Variants in PRMT8 observed in about 807,000 individuals in gnomAD.
PRMT8 encodes the protein protein arginine methyltransferase 8, also known as protein arginine N-methyltransferase 8.
Under a neutral mutation model 47.1 loss-of-function variants are expected in PRMT8, and 7 were observed. The observed-to-expected ratio is 0.15, with a 90% CI of 0.08 to 0.28. PRMT8 has a LOEUF of 0.28. PRMT8 is among the 10% of genes least tolerant of loss of function. The pLI is 1.00. For missense variants in PRMT8, 237 were observed against 505.4 expected (o/e 0.47, Z 5.09); for synonymous variants, 188 against 186.5 (o/e 1.01, Z -0.07).
intron 1 of PRMT8, among the ~76,000 whole-genome samples, chr12:3,473,821 G>T (rs1487048626): frequency 6.6e-6 from 1 of 152,144 alleles, no homozygotes; most frequent in African/African-American, 2.4e-5. Context: ...GTTTAGCTGG[G>T]CGTATTCCCT....
chr12:3,437,545 G>T (rs1384066132), intron 1 of PRMT8, among the ~76,000 whole-genome samples: 4 of 151,480 alleles, frequency 2.6e-5, no homozygotes, highest in African/African-American at 9.7e-5. Context: ...GTAGGCCTCA[G>T]TGTCTGTTCC....
At chr12:3,555,631 G>A (rs902720193) in intron 4 of PRMT8, among the ~76,000 whole-genome samples, 2 of 152,200 alleles carry the variant, frequency 1.3e-5, no homozygotes, top group Non-Finnish European at 2.9e-5. Context: ...AGGATGGGTT[G>A]GAATAAGTCG....
chr12:3,498,895 G>A (rs1245345613), intron 1 of PRMT8, among the ~76,000 whole-genome samples: 1 of 152,192 alleles, frequency 6.6e-6, no homozygotes, highest in Non-Finnish European at 1.5e-5. Flanking sequence ...AAATCCAGAT[G>A]CCAGCAGGGT....
intron 1 of PRMT8, among the ~76,000 whole-genome samples, chr12:3,528,259 C>T (rs1186129414): frequency 6.6e-6 from 1 of 152,076 alleles, no homozygotes; most frequent in Admixed American, 6.5e-5. Context: ...TTTGTGTCTC[C>T]TCTTCCTTCA....
intron 1 of PRMT8, among the ~76,000 whole-genome samples, chr12:3,459,646 C>T (rs1037556101): frequency 4.6e-5 from 7 of 152,206 alleles, no homozygotes; most frequent in South Asian, 2.1e-4. Flanking sequence ...ACATCTAAAG[C>T]GGAACAGAGG....
Position 3,580,253 on chromosome 12 carries a change from G to A in PRMT8, c.829-2805G>A, listed in dbSNP as rs1487074946. On this transcript the variant is annotated intron_variant, in intron 7 of 9. Transcript: ENST00000382622. This position sits in a 1 kb window ranked among gnomAD's most constrained non-coding sequence, Gnocchi z 4.6. ...CTATTGAAAGCTGTCAGCTACAAGA[G>A]TTGATAGCTGACATTTTGTTGATGG... Among the ~76,000 whole-genome samples, 2 of 152,108 alleles carry A rather than the reference G, an allele frequency of 1.3e-5. No homozygotes were observed. The highest frequency in any genetic ancestry group is 2.4e-5 in the African/African-American group (1 of 41,412).
At chr12:3,427,856 T>C (rs1864623172) in intron 1 of PRMT8, among the ~76,000 whole-genome samples, 1 of 152,192 alleles carries the variant, frequency 6.6e-6, no homozygotes, top group Non-Finnish European at 1.5e-5. Flanking sequence ...TCGAAGATAA[T>C]CATTCTTTTC....
chr12:3,522,814 A>C (rs1381517341), intron 1 of PRMT8, among the ~76,000 whole-genome samples: 1 of 151,972 alleles, frequency 6.6e-6, no homozygotes, highest in Non-Finnish European at 1.5e-5. Context: ...ACAAAAAAAA[A>C]CAGAAAAAAA....
intron 9 of PRMT8, 87 bp downstream of exon 9, chr12:3,592,439 G>A (rs1591620391): frequency 6.9e-6 from 10 of 1,447,794 alleles, no homozygotes; most frequent in South Asian, 2.7e-5. Context: ...GTTCTTAAGT[G>A]TCTCATGAAC....
chr12:3,427,928 C>T (rs1482156119), intron 1 of PRMT8, among the ~76,000 whole-genome samples: 1 of 152,014 alleles, frequency 6.6e-6, no homozygotes, highest in Admixed American at 6.6e-5. Flanking sequence ...TTAGAAGTTA[C>T]TATAATACAT....
chr12:3,494,479 C>A (rs368647129), intron 1 of PRMT8, among the ~76,000 whole-genome samples: 2 of 152,182 alleles, frequency 1.3e-5, no homozygotes, highest in African/African-American at 4.8e-5. Context: ...ACTGCCCCCA[C>A]TTCTGATTCA....
chr12:3,437,624 A>ACATATATATATC (rs1864758475), intron 1 of PRMT8, among the ~76,000 whole-genome samples: 1 of 9,756 alleles, frequency 1.0e-4, no homozygotes, highest in Admixed American at 2.0e-3. Context: ...CATTCAGGCT[A>ACATATATATATC]TATATATATA....
rs111255155 is a variant in PRMT8 at position 3,535,367 on chromosome 12, G to A, written c.76-5239G>A. On this transcript the variant is annotated intron_variant, in intron 1 of 9. Coordinates refer to ENST00000382622, the MANE Select transcript of PRMT8 (RefSeq NM_019854.5). The surrounding 1 kb of genome is among the most constrained non-coding windows in gnomAD (Gnocchi z 4.7). ...CCCTGGGTAAGGCCAGTCTGGGGGC[G>A]GAACACTGTGTTGGGGGAGTCCTGA... Among the ~76,000 whole-genome samples, 180 of 152,274 alleles carry A rather than the reference G, an allele frequency of 1.2e-3. 1 individual carries two copies. Among genetic ancestry groups the A allele is most frequent in the African/African-American group, 4.0e-3 (168 of 41,544 alleles).
At chr12:3,450,922 G>A (rs1407319830) in intron 1 of PRMT8, among the ~76,000 whole-genome samples, 1 of 151,048 alleles carries the variant, frequency 6.6e-6, no homozygotes, top group African/African-American at 2.4e-5. Flanking sequence ...TTTGTGCTAA[G>A]GCAAAGCAGT....
chr12:3,398,817 G>A (rs1484868540), intron 1 of PRMT8, among the ~76,000 whole-genome samples: 1 of 152,242 alleles, frequency 6.6e-6, no homozygotes, highest in African/African-American at 2.4e-5. Flanking sequence ...GGCTCACCAG[G>A]CAGGGGGAAT....
Position 3,453,438 on chromosome 12 carries a change from C to T in PRMT8, c.48+71996C>T, listed in dbSNP as rs1864941969. 6.6e-6 allele frequency among the ~76,000 whole-genome samples: 1 copy of T among 152,166 alleles called. No individual in the cohort carries two copies. The highest frequency in any genetic ancestry group is 2.4e-5 in the African/African-American group (1 of 41,436). The stretch of plus-strand genomic sequence containing the variant: ...GGGGAATGCAGATTCCCAGGCCAGC[C>T]CTGCCAAGTCTGAGTGAGTCCCCTG... On this transcript the variant is annotated intron_variant, in intron 1 of 9. Transcript: ENST00000452611. This position sits in a 1 kb window ranked among gnomAD's most constrained non-coding sequence, Gnocchi z 4.9.
intron 1 of PRMT8, among the ~76,000 whole-genome samples, chr12:3,429,994 A>G (rs1864656836): frequency 6.6e-6 from 1 of 152,226 alleles, no homozygotes; most frequent in South Asian, 2.1e-4. Context: ...TGAGCCACAG[A>G]CAAGAACCCC....
At chr12:3,563,433 G>C (rs4766141) in intron 4 of PRMT8, among the ~76,000 whole-genome samples, 116,663 of 151,726 alleles carry the variant, frequency 0.77, 45,828 homozygotes, top group African/African-American at 0.94. Flanking sequence ...TCATGACACC[G>C]GGGGCTCCCT....
intron 1 of PRMT8, among the ~76,000 whole-genome samples, chr12:3,410,900 A>G (rs1029428824): frequency 1.3e-5 from 2 of 152,218 alleles, no homozygotes; most frequent in African/African-American, 4.8e-5. Context: ...TTTATTTTAC[A>G]TTTTTAAGTT....
Sources: allele counts gnomAD v4.1 joint callset (sites outside exome capture counted in the v4.1 genomes callset), GRCh38; gene constraint gnomAD v4.1.1; non-coding constraint Gnocchi (gnomAD v3.1); transcripts MANE v1.5; gene names NCBI Gene and HGNC (gene_info 2026-07-23, HGNC 2026-07-21).